Variants in PANX1 observed in about 807,000 individuals in gnomAD.
PANX1 encodes the protein pannexin 1, also known as pannexin-1.
In PANX1, 30 loss-of-function variants were observed where a neutral mutation model predicts 38.7. The ratio of observed to expected loss-of-function variants is 0.78; its 90% confidence interval spans 0.58 to 1.05. The LOEUF (loss-of-function observed/expected upper bound fraction) is 1.05, where lower values mean the gene tolerates loss of function less well. Among genes scored for constraint, PANX1 ranks in the 50% least tolerant of loss-of-function variants. The pLI, the probability that PANX1 is intolerant of heterozygous loss-of-function variation, is 0.00. For synonymous variants in PANX1, 230 were observed against 212.2 expected, an observed-to-expected ratio of 1.08 and a Z score of -0.73; for missense variants, 551 against 517.2, an observed-to-expected ratio of 1.07 and a Z score of -0.63.
chr11:94,134,687 T>C (rs1416992904), intron 1 of PANX1, among the ~76,000 whole-genome samples: 2 of 139,800 alleles, frequency 1.4e-5, no homozygotes, highest in African/African-American at 5.3e-5. Flanking sequence ...TCTCCCTCTT[T>C]CCCTCTCTCT....
At chr11:94,133,697 C>T (rs761738919) in intron 1 of PANX1, among the ~76,000 whole-genome samples, 9 of 152,162 alleles carry the variant, frequency 5.9e-5, no homozygotes, top group Non-Finnish European at 8.8e-5. Context: ...TGACACACAG[C>T]AAAAGACAGT....
intron 1 of PANX1, among the ~76,000 whole-genome samples, chr11:94,152,587 C>G (rs563546564): frequency 3.3e-5 from 5 of 152,252 alleles, no homozygotes; most frequent in African/African-American, 1.2e-4. Flanking sequence ...AGGGCTGGGC[C>G]AGGCAAGGCC....
At chr11:94,144,469 C>G (rs948823310) in intron 1 of PANX1, among the ~76,000 whole-genome samples, 2 of 152,156 alleles carry the variant, frequency 1.3e-5, no homozygotes, top group African/African-American at 4.8e-5. Flanking sequence ...TCCCCTCCAC[C>G]CTGTCAGCAG....
At chr11:94,146,032 A>G (rs1331130188) in intron 1 of PANX1, among the ~76,000 whole-genome samples, 1 of 152,204 alleles carries the variant, frequency 6.6e-6, no homozygotes, top group Non-Finnish European at 1.5e-5. Flanking sequence ...AAATTTCTTT[A>G]CCCACCAAAA....
intron 2 of PANX1, among the ~76,000 whole-genome samples, chr11:94,168,948 A>G (rs1321967207): frequency 6.6e-6 from 1 of 151,698 alleles, no homozygotes; most frequent in Non-Finnish European, 1.5e-5. Flanking sequence ...CAGGCACCGG[A>G]TGGAATGACA....
rs59182320 is a variant in PANX1, at chr11:94,162,871, C to CTTTTT, written c.321+9255_321+9259dup. On this transcript the variant is annotated intron_variant, in intron 2 of 4. Coordinates refer to ENST00000227638, the MANE Select transcript of PANX1 (RefSeq NM_015368.4). ...GGCCATCTTGGCTCCACCAACCTCT[C>CTTTTT]TTTTTTTTTTTTTTTTTTGAGACAG... Among the ~76,000 whole-genome samples the CTTTTT allele has an allele frequency of 2.4e-3, 257 of 107,432 alleles. 7 individuals are homozygous for CTTTTT. Among genetic ancestry groups the CTTTTT allele is most frequent in the Non-Finnish European group, 2.5e-3 (139 of 56,606 alleles). The allele number at this position is 107,432 out of a possible 152,430, so 70.5% of individuals were successfully genotyped here.
chr11:94,177,925 T>C (rs1019570593), intron 2 of PANX1, among the ~76,000 whole-genome samples: 10 of 152,032 alleles, frequency 6.6e-5, no homozygotes, highest in Middle Eastern at 3.4e-3. Flanking sequence ...ACATGTTTCT[T>C]TGGCATTTTC....
At chr11:94,138,474 T>C (rs558981310) in intron 1 of PANX1, among the ~76,000 whole-genome samples, 3 of 152,210 alleles carry the variant, frequency 2.0e-5, no homozygotes, top group Non-Finnish European at 4.4e-5. Flanking sequence ...GTCCGTTTCC[T>C]TTGAATTCTG....
intron 1 of PANX1, among the ~76,000 whole-genome samples, chr11:94,130,629 C>T (rs192876499): frequency 3.9e-5 from 6 of 152,086 alleles, no homozygotes; most frequent in African/African-American, 4.8e-5. Flanking sequence ...AGCAAGGCAT[C>T]GGCTGAGGTC....
chr11:94,166,328 C>A (rs115946749), intron 2 of PANX1, among the ~76,000 whole-genome samples: 1 of 152,178 alleles, frequency 6.6e-6, no homozygotes, highest in African/African-American at 2.4e-5. Context: ...TTTACCATGT[C>A]TCGTAAGACA....
At chr11:94,131,802 A>G (rs1946632682) in intron 1 of PANX1, among the ~76,000 whole-genome samples, 1 of 152,228 alleles carries the variant, frequency 6.6e-6, no homozygotes, top group Non-Finnish European at 1.5e-5. Context: ...GGGAGGGATC[A>G]TGTCATGCAG....
In PANX1 at chr11:94,129,496, A is replaced by G. The variant is rs745947961; in HGVS notation, c.181+3A>G. On this transcript the variant is annotated splice_donor_region_variant and intron_variant, in intron 1 of 4. Coordinates refer to ENST00000227638, the MANE Select transcript of PANX1 (RefSeq NM_015368.4). ...CTTCGCGCAGGAGATCTCGATTGGT[A>G]AGCCTCGCCCAGGACGGAGGGGAGT... 6.2e-7 allele frequency: 1 copy of G among 1,606,308 alleles called. No homozygotes were observed. The highest frequency in any genetic ancestry group is 8.5e-7 in the Non-Finnish European group (1 of 1,175,120).
intron 2 of PANX1, among the ~76,000 whole-genome samples, chr11:94,153,855 G>T (rs922118695): frequency 5.9e-5 from 9 of 152,306 alleles, no homozygotes; most frequent in Middle Eastern, 6.8e-3. Context: ...TTGAGTTTTA[G>T]CTCTATAACA....
chr11:94,171,525 G>A (rs1170501450), intron 2 of PANX1, among the ~76,000 whole-genome samples: 1 of 151,604 alleles, frequency 6.6e-6, no homozygotes, highest in Non-Finnish European at 1.5e-5. Flanking sequence ...GGGCAGTGAG[G>A]TAGTTGTGTG....
At chr11:94,162,476 T>G (rs1042607686) in intron 2 of PANX1, among the ~76,000 whole-genome samples, 6 of 152,222 alleles carry the variant, frequency 3.9e-5, no homozygotes, top group African/African-American at 1.4e-4. Context: ...ACTGCTGTGC[T>G]AGCAATGAGC....
At chr11:94,154,780 C>G (rs1565378021) in intron 2 of PANX1, among the ~76,000 whole-genome samples, 1 of 152,124 alleles carries the variant, frequency 6.6e-6, no homozygotes, top group Admixed American at 6.5e-5. Context: ...GACTGGAAGC[C>G]TTACCAATAA....
intron 2 of PANX1, among the ~76,000 whole-genome samples, chr11:94,177,349 T>C (rs1335335642): frequency 6.6e-6 from 1 of 151,542 alleles, no homozygotes; most frequent in East Asian, 1.9e-4. Context: ...AATACTCTTA[T>C]GTCTTATTGC....
In PANX1 at chr11:94,180,089, T is replaced by A; in HGVS notation, c.1033T>A (p.Tyr345Asn). The stretch of plus-strand genomic sequence containing the variant: ...GGAAAATATAAGTGAGGTCAAGTCA[T>A]ACAAGTGTCTTAAGGTACTGGAGAA... ...LEENISEVKS[Y>N]KCLKVLENIK... The change falls in exon 4 of 5, where the codon TAC (tyrosine) becomes AAC (asparagine). Residue 345 changes from tyrosine to asparagine, a missense_variant. Coordinates refer to ENST00000227638, the MANE Select transcript of PANX1 (RefSeq NM_015368.4). 6.2e-7 allele frequency: 1 copy of A among 1,614,060 alleles called. No homozygotes were observed. The highest frequency in any genetic ancestry group is 8.5e-7 in the Non-Finnish European group (1 of 1,179,980).
intron 2 of PANX1, among the ~76,000 whole-genome samples, chr11:94,165,677 A>G (rs7949116): frequency 0.53 from 80,832 of 152,012 alleles, 22,364 homozygotes; most frequent in African/African-American, 0.68. Context: ...TTGGGAGGCC[A>G]AGGCAGGCAG....
Sources: allele counts gnomAD v4.1 joint callset (sites outside exome capture counted in the v4.1 genomes callset), GRCh38; gene constraint gnomAD v4.1.1; transcripts MANE v1.5; gene names NCBI Gene and HGNC (gene_info 2026-07-23, HGNC 2026-07-21).